Variants in SDCCAG8 observed in about 807,000 individuals in gnomAD.
SDCCAG8 encodes SHH signaling and ciliogenesis regulator SDCCAG8.
A neutral mutation model predicts 101.8 loss-of-function variants in SDCCAG8; 74 were observed. The observed-to-expected ratio is 0.73, with a 90% CI of 0.60 to 0.88. The LOEUF (loss-of-function observed/expected upper bound fraction) is 0.88, where lower values mean the gene tolerates loss of function less well. Ranked by LOEUF, SDCCAG8 falls within the 40% of genes least tolerant of loss-of-function variation. SDCCAG8 has a pLI of 0.00. For synonymous variants in SDCCAG8, 281 were observed against 292.9 expected (o/e 0.96, Z 0.41); for missense variants, 787 against 822.6 (o/e 0.96, Z 0.53).
intron 7 of SDCCAG8, 148 bp from the exon 8 acceptor site, chr1:243,307,841 T>A: frequency 2.0e-6 from 3 of 1,485,000 alleles, no homozygotes; most frequent in Admixed American, 4.8e-5. Context: ...TTCAGGGTCG[T>A]GGTAAAAATT....
At chr1:243,377,782 A>C (rs1360752080) in intron 12 of SDCCAG8, among the ~76,000 whole-genome samples, 3 of 151,032 alleles carry the variant, frequency 2.0e-5, no homozygotes, top group Non-Finnish European at 4.4e-5. Context: ...TTTCTGTATC[A>C]AATTTGCTTC....
intron 7 of SDCCAG8, chr1:243,305,379 T>A (rs566992398): frequency 6.6e-6 from 1 of 152,118 alleles, no homozygotes; most frequent in East Asian, 1.9e-4. Context: ...AGTAAAATAA[T>A]GAAAATAAAG....
chr1:243,300,608 C>T (rs60124993), intron 6 of SDCCAG8, among the ~76,000 whole-genome samples: 3,479 of 152,262 alleles, frequency 0.023, 146 homozygotes, highest in African/African-American at 0.079. Context: ...AATCACCTCT[C>T]CACCTCACAT....
chr1:243,405,050 G>C (rs1008493532), intron 13 of SDCCAG8, among the ~76,000 whole-genome samples: 3 of 152,004 alleles, frequency 2.0e-5, no homozygotes, highest in African/African-American at 7.2e-5. Flanking sequence ...ATTTTTAGTA[G>C]AGACGGGATT....
intron 16 of SDCCAG8, among the ~76,000 whole-genome samples, chr1:243,441,769 G>A (rs1396312339): frequency 1.3e-5 from 2 of 152,142 alleles, no homozygotes; most frequent in Non-Finnish European, 2.9e-5. Context: ...GCACATAGGA[G>A]GAGTCACAAC....
chr1:243,292,894 C>T (rs556869499), intron 5 of SDCCAG8, among the ~76,000 whole-genome samples, 197 bp from the exon 6 acceptor site: 2 of 152,170 alleles, frequency 1.3e-5, no homozygotes, highest in African/African-American at 4.8e-5. Context: ...ACTGCCTGTA[C>T]CTGAAGGAAT....
In SDCCAG8 at chr1:243,474,185, C is replaced by A. The variant is rs1277800433; in HGVS notation, c.1986-14829C>A. ...GCAAATGCAATCACGCAGCACCTTT[C>A]CCATCGCGGGGAAATCAACCTTTTT... On this transcript the variant is annotated intron_variant, in intron 16 of 17. Transcript: ENST00000366541. The surrounding 1 kb of genome is among the most constrained non-coding windows in gnomAD (Gnocchi z 4.7). 6.6e-6 allele frequency among the ~76,000 whole-genome samples: 1 copy of A among 152,164 alleles called. No homozygotes were observed. Among genetic ancestry groups the A allele is most frequent in the Non-Finnish European group, 1.5e-5 (1 of 68,024 alleles).
chr1:243,372,419 G>A (rs1373507207), intron 12 of SDCCAG8, among the ~76,000 whole-genome samples: 2 of 151,982 alleles, frequency 1.3e-5, no homozygotes, highest in African/African-American at 2.4e-5. Flanking sequence ...TACCATTGAG[G>A]TATTATAGTT....
At chr1:243,487,264 C>T (rs1394214377) in intron 16 of SDCCAG8, among the ~76,000 whole-genome samples, 1 of 152,060 alleles carries the variant, frequency 6.6e-6, no homozygotes. Context: ...CAGGACAGCC[C>T]GGGCCCCCCC....
At chr1:243,332,854 G>C (rs930036235) in intron 10 of SDCCAG8, among the ~76,000 whole-genome samples, 1 of 152,052 alleles carries the variant, frequency 6.6e-6, no homozygotes, top group Non-Finnish European at 1.5e-5. Flanking sequence ...GTCTGGAGGT[G>C]GTTATCGTAG....
At chr1:243,289,006 CAA>C (rs1169573983) in intron 5 of SDCCAG8, among the ~76,000 whole-genome samples, 25 of 83,634 alleles carry the variant, frequency 3.0e-4, no homozygotes, top group Admixed American at 2.7e-4. Context: ...GACTCCATCT[CAA>C]AAAAAAAAAA....
chr1:243,291,180 G>A (rs1163810873), intron 5 of SDCCAG8, among the ~76,000 whole-genome samples: 1 of 152,178 alleles, frequency 6.6e-6, no homozygotes, highest in African/African-American at 2.4e-5. Flanking sequence ...CCCTTAGCAA[G>A]TGCTCAATAA....
chr1:243,301,963 A>G (rs894936051), intron 6 of SDCCAG8, among the ~76,000 whole-genome samples: 4 of 152,006 alleles, frequency 2.6e-5, no homozygotes, highest in Non-Finnish European at 5.9e-5. Flanking sequence ...ATTATTTAGG[A>G]GAGGCTGGGT....
At chr1:243,443,049 A>T (rs949788662) in intron 16 of SDCCAG8, among the ~76,000 whole-genome samples, 18 of 152,222 alleles carry the variant, frequency 1.2e-4, no homozygotes, top group Non-Finnish European at 2.9e-5. Context: ...ATGCAAAGAG[A>T]TGTTTTTCTA....
intron 4 of SDCCAG8, among the ~76,000 whole-genome samples, chr1:243,280,567 A>G (rs570442055): frequency 5.5e-4 from 84 of 152,170 alleles, no homozygotes; most frequent in African/African-American, 2.0e-3. Context: ...TAATTTTTTT[A>G]CACTCCTTTT....
chr1:243,267,439 A>G (rs2067709054), intron 1 of SDCCAG8: 1 of 309,326 alleles, frequency 3.2e-6, no homozygotes, highest in South Asian at 2.8e-5. Context: ...TCTCTACTAA[A>G]AAAAAATACA....
At chr1:243,465,799 A>T (rs956072324) in intron 16 of SDCCAG8, among the ~76,000 whole-genome samples, 5 of 152,238 alleles carry the variant, frequency 3.3e-5, no homozygotes, top group Non-Finnish European at 7.3e-5. Flanking sequence ...CTCTAACAGA[A>T]AGGCAGCATT....
intron 16 of SDCCAG8, among the ~76,000 whole-genome samples, chr1:243,437,639 C>A (rs937061333): frequency 5.3e-5 from 8 of 151,756 alleles, no homozygotes; most frequent in Non-Finnish European, 1.0e-4. Context: ...CGGGTTCACG[C>A]CATTCTCCTG....
At chr1:243,465,143 A>G (rs528287751) in intron 16 of SDCCAG8, among the ~76,000 whole-genome samples, 2 of 152,358 alleles carry the variant, frequency 1.3e-5, no homozygotes, top group South Asian at 2.1e-4. Flanking sequence ...GGCTGGGTAC[A>G]TGCTAGTCCA....
Sources: gnomAD v4.1 joint callset for allele counts (sites outside exome capture counted in the v4.1 genomes callset) on GRCh38, gnomAD v4.1.1 for gene constraint, Gnocchi (gnomAD v3.1) non-coding constraint, MANE v1.5 for transcripts, NCBI Gene and HGNC (gene_info 2026-07-23, HGNC 2026-07-21) for gene names.